Variants in CTNNBL1 observed in about 807,000 individuals in gnomAD.
CTNNBL1 encodes the protein beta-catenin-like protein 1.
Under a neutral mutation model 72.7 loss-of-function variants are expected in CTNNBL1, and 31 were observed. That is an observed-to-expected ratio of 0.43 (90% confidence interval 0.32 to 0.58). The LOEUF (loss-of-function observed/expected upper bound fraction) is 0.58, where lower values mean the gene tolerates loss of function less well. Ranked by LOEUF, CTNNBL1 falls within the 20% of genes least tolerant of loss-of-function variation. The pLI is 0.08. For synonymous variants in CTNNBL1, 240 were observed against 267.3 expected (o/e 0.90, Z 1.00); for missense variants, 534 against 725.1 (o/e 0.74, Z 3.03).
chr20:37,800,819 G>A (rs1035801482), intron 10 of CTNNBL1, among the ~76,000 whole-genome samples: 2 of 152,212 alleles, frequency 1.3e-5, no homozygotes, highest in Admixed American at 6.5e-5. Flanking sequence ...TCTGCTCCTT[G>A]GCGTACCTCA....
chr20:37,726,400 A>G (rs772415758), intron 1 of CTNNBL1, among the ~76,000 whole-genome samples: 14 of 152,212 alleles, frequency 9.2e-5, no homozygotes, highest in Non-Finnish European at 2.1e-4. Context: ...TTAAGTTAAC[A>G]TGGAGAAAAA....
chr20:37,790,897 C>T (rs2073718954), intron 10 of CTNNBL1, among the ~76,000 whole-genome samples: 1 of 152,144 alleles, frequency 6.6e-6, no homozygotes, highest in African/African-American at 2.4e-5. Context: ...TTTCTTTGTG[C>T]CCCTTTGTAA....
intron 11 of CTNNBL1, among the ~76,000 whole-genome samples, chr20:37,817,476 G>A (rs2072070466): frequency 6.6e-6 from 1 of 152,132 alleles, no homozygotes; most frequent in Non-Finnish European, 1.5e-5. Flanking sequence ...TACAAGCTTG[G>A]CATGAGTTTC....
At chr20:37,786,846 C>T (rs181672220) in intron 10 of CTNNBL1, among the ~76,000 whole-genome samples, 44 of 152,098 alleles carry the variant, frequency 2.9e-4, no homozygotes, top group African/African-American at 1.0e-3. Flanking sequence ...GTCTTATTTT[C>T]CTATTACATT....
intron 4 of CTNNBL1, among the ~76,000 whole-genome samples, chr20:37,754,723 TAATATG>T (rs1284441851): frequency 6.6e-6 from 1 of 152,192 alleles, no homozygotes; most frequent in Non-Finnish European, 1.5e-5. Flanking sequence ...CCTTATGCAT[TAATATG>T]AAGTATAGTT....
chr20:37,826,098 A>T (rs2122780722), intron 11 of CTNNBL1, among the ~76,000 whole-genome samples: 1 of 152,296 alleles, frequency 6.6e-6, no homozygotes, highest in East Asian at 1.9e-4. Context: ...CTTCTGCCCA[A>T]GCTCTGAAAG....
chr20:37,837,694 T>A (rs1469971890), intron 11 of CTNNBL1, among the ~76,000 whole-genome samples: 2 of 152,154 alleles, frequency 1.3e-5, no homozygotes, highest in Non-Finnish European at 2.9e-5. Flanking sequence ...TTGAAACATA[T>A]CCAGAATTCA....
intron 1 of CTNNBL1, among the ~76,000 whole-genome samples, chr20:37,699,685 T>G (rs903085967): frequency 5.3e-5 from 8 of 152,190 alleles, no homozygotes; most frequent in African/African-American, 1.9e-4. Flanking sequence ...GGAACAAAAT[T>G]GTCTGATTTG....
intron 10 of CTNNBL1, among the ~76,000 whole-genome samples, chr20:37,782,254 TC>T (rs1470551111): frequency 2.0e-5 from 3 of 152,156 alleles, no homozygotes; most frequent in Non-Finnish European, 2.9e-5. Context: ...TGATGACGCT[TC>T]AGGAGAACAG....
At chr20:37,803,094 A>G in intron 11 of CTNNBL1, 46 bp downstream of exon 11, 1 of 1,544,804 alleles carries the variant, frequency 6.5e-7, no homozygotes, top group Non-Finnish European at 8.9e-7. Flanking sequence ...GCATTAGGAG[A>G]AATAGGGAAA....
intron 10 of CTNNBL1, among the ~76,000 whole-genome samples, chr20:37,801,044 C>A (rs570596047): frequency 1.3e-5 from 2 of 152,218 alleles, no homozygotes; most frequent in Non-Finnish European, 2.9e-5. Flanking sequence ...CCTCGTTTTA[C>A]TTCCTTGACA....
chr20:37,723,601 A>G (rs975245808), intron 1 of CTNNBL1, among the ~76,000 whole-genome samples: 1 of 152,154 alleles, frequency 6.6e-6, no homozygotes, highest in African/African-American at 2.4e-5. Context: ...GAGGTGTAAT[A>G]TGTATTTATA....
In CTNNBL1 at chr20:37,840,214, G is replaced by C; in HGVS notation, c.1311+15G>C. ...ACAGTGAGAAGGTGGGTGACTGTTG[G>C]ACTGTAAAGCTGGGACCGGGACTGA... On this transcript the variant is annotated intron_variant, in intron 12 of 15. Transcript: ENST00000361383. 6.3e-7 allele frequency: 1 copy of C among 1,582,266 alleles called. No individual in the cohort carries two copies. The highest frequency in any genetic ancestry group is 1.1e-5 in the South Asian group (1 of 90,026).
chr20:37,772,310 G>A (rs113355809), intron 7 of CTNNBL1, among the ~76,000 whole-genome samples: 70 of 152,178 alleles, frequency 4.6e-4, no homozygotes, highest in Non-Finnish European at 8.8e-4. Flanking sequence ...AGTCTGCAAA[G>A]TTGGAGTGGA....
At chr20:37,810,787 A>G (rs1476834582) in intron 11 of CTNNBL1, among the ~76,000 whole-genome samples, 1 of 152,202 alleles carries the variant, frequency 6.6e-6, no homozygotes, top group East Asian at 1.9e-4. Flanking sequence ...TTATTGTGAT[A>G]TGGATGATGA....
chr20:37,718,579 G>A (rs1568749670), intron 1 of CTNNBL1, among the ~76,000 whole-genome samples: 2 of 150,540 alleles, frequency 1.3e-5, no homozygotes, highest in African/African-American at 4.9e-5. Flanking sequence ...GCGGATGGCC[G>A]GGCGGGGGGC....
chr20:37,866,813 T>C (rs1277262280), intron 15 of CTNNBL1, among the ~76,000 whole-genome samples: 1 of 152,210 alleles, frequency 6.6e-6, no homozygotes, highest in Admixed American at 6.5e-5. Flanking sequence ...AGTTACATAC[T>C]CAGTAAATGG....
chr20:37,775,348 C>A (rs1306006749), intron 7 of CTNNBL1, among the ~76,000 whole-genome samples: 1 of 152,172 alleles, frequency 6.6e-6, no homozygotes, highest in Non-Finnish European at 1.5e-5. Context: ...TTTGTCAGAG[C>A]AGCTATCCAA....
chr20:37,797,062 C>T (rs926198562), intron 10 of CTNNBL1, among the ~76,000 whole-genome samples: 2 of 152,054 alleles, frequency 1.3e-5, no homozygotes, highest in Non-Finnish European at 2.9e-5. Flanking sequence ...TTAGTGATAC[C>T]ATATTAGTAA....
Sources: allele counts gnomAD v4.1 joint callset (sites outside exome capture counted in the v4.1 genomes callset), GRCh38; gene constraint gnomAD v4.1.1; transcripts MANE v1.5; gene names NCBI Gene and HGNC (gene_info 2026-07-23, HGNC 2026-07-21).